Variants in SLC8A3 observed in about 807,000 individuals in gnomAD.
The protein encoded by SLC8A3 is solute carrier family 8 member A3.
Under a neutral mutation model 65.4 loss-of-function variants are expected in SLC8A3, and 37 were observed. That is an observed-to-expected ratio of 0.57 (90% confidence interval 0.44 to 0.74). SLC8A3 has a LOEUF of 0.74. SLC8A3 is among the 30% of genes least tolerant of loss of function. The pLI is 0.00. For missense variants in SLC8A3, 1,112 were observed against 1,172.1 expected (o/e 0.95, Z 0.75); for synonymous variants, 461 against 444.5 (o/e 1.04, Z -0.47).
At position 70,167,402 on chromosome 14, in the gene SLC8A3, A is replaced by G; in HGVS notation, c.1021T>C (p.Tyr341His). Residue 341 changes from tyrosine to histidine, a missense_variant, in exon 2 of 7, where the codon TAC (tyrosine) becomes CAC (histidine). Transcript: ENST00000356921. ...DLDQLVEMANYYALSHQQKSR... is the reference protein window; with the variant it reads ...DLDQLVEMANHYALSHQQKSR... ...TTCTGTTGGTGGGAAAGAGCATAGT[A>G]ATTGGCCATCTCCACCAGCTGATCT... 4.3e-6 allele frequency: 7 copies of G among 1,614,044 alleles called. No individual in the cohort carries two copies. Among genetic ancestry groups the G allele is most frequent in the Non-Finnish European group, 5.9e-6 (7 of 1,180,008 alleles).
chr14:70,174,673 T>TTG (rs1729304205), intron 1 of SLC8A3, among the ~76,000 whole-genome samples: 1 of 125,896 alleles, frequency 7.9e-6, no homozygotes, highest in Admixed American at 7.8e-5. Flanking sequence ...TTTTTTTTTT[T>TTG]TTTTTTTTTT....
At chr14:70,169,208 C>T (rs952884797) in intron 1 of SLC8A3, among the ~76,000 whole-genome samples, 4 of 152,194 alleles carry the variant, frequency 2.6e-5, no homozygotes, top group Admixed American at 1.3e-4. Flanking sequence ...TGCAAGACTT[C>T]TGGAGGCAAG....
chr14:70,126,125 C>T (rs1894427611), intron 2 of SLC8A3, among the ~76,000 whole-genome samples: 1 of 152,138 alleles, frequency 6.6e-6, no homozygotes, highest in South Asian at 2.1e-4. Flanking sequence ...ATCAGATGCC[C>T]CAGAATTAGA....
intron 3 of SLC8A3, among the ~76,000 whole-genome samples, chr14:70,057,886 CAG>C (rs113155498): frequency 1.8e-4 from 27 of 150,268 alleles, no homozygotes; most frequent in East Asian, 1.9e-4. Context: ...CCCCATTCTT[CAG>C]AGAGAGAGAG....
intron 1 of SLC8A3, 55 bp from the exon 2 acceptor site, chr14:70,168,539 G>A (rs752343649): frequency 6.8e-6 from 5 of 739,824 alleles, no homozygotes; most frequent in Admixed American, 2.8e-5. Context: ...GACAGCAAAC[G>A]GCAGGTTCCC....
chr14:70,080,102 C>A, intron 2 of SLC8A3: 1 of 985,588 alleles, frequency 1.0e-6, no homozygotes, highest in Non-Finnish European at 1.2e-6. Flanking sequence ...CTTTCCTTGA[C>A]CCCTTCCTTT....
intron 2 of SLC8A3, among the ~76,000 whole-genome samples, chr14:70,065,500 G>A (rs967850802): frequency 6.6e-6 from 1 of 152,158 alleles, no homozygotes; most frequent in Non-Finnish European, 1.5e-5. Flanking sequence ...TCCAGGTAAT[G>A]GAGACAGATG....
At chr14:70,095,388 C>T (rs997905778) in intron 2 of SLC8A3, among the ~76,000 whole-genome samples, 1 of 152,250 alleles carries the variant, frequency 6.6e-6, no homozygotes, top group African/African-American at 2.4e-5. Flanking sequence ...AGCATTGACA[C>T]AAAGGCCAGA....
chr14:70,129,421 A>C (rs1301730157), intron 2 of SLC8A3, among the ~76,000 whole-genome samples: 1 of 152,156 alleles, frequency 6.6e-6, no homozygotes, highest in African/African-American at 2.4e-5. Flanking sequence ...AGTTTTATAT[A>C]TATTATCACA....
chr14:70,121,563 G>T (rs1305647949), intron 2 of SLC8A3, among the ~76,000 whole-genome samples: 5 of 152,082 alleles, frequency 3.3e-5, no homozygotes, highest in African/African-American at 1.2e-4. Context: ...TTTCAATTAG[G>T]CATAAAAAAA....
intron 2 of SLC8A3, among the ~76,000 whole-genome samples, chr14:70,069,455 G>A (rs1232438033): frequency 6.6e-6 from 1 of 152,212 alleles, no homozygotes; most frequent in Non-Finnish European, 1.5e-5. Flanking sequence ...GCTGCTCCGG[G>A]TCAGCTAACA....
chr14:70,134,535 A>T (rs2140244617), intron 2 of SLC8A3, among the ~76,000 whole-genome samples: 1 of 152,202 alleles, frequency 6.6e-6, no homozygotes, highest in East Asian at 1.9e-4. Flanking sequence ...CCTTTTCCTC[A>T]TCCCATGTCC....
chr14:70,147,379 G>A (rs1048258565), intron 2 of SLC8A3, among the ~76,000 whole-genome samples: 1 of 152,140 alleles, frequency 6.6e-6, no homozygotes, highest in Non-Finnish European at 1.5e-5. Context: ...AAATAGCATG[G>A]AAGACAGATT....
At chr14:70,069,673 C>G (rs1326302858) in intron 2 of SLC8A3, among the ~76,000 whole-genome samples, 1 of 152,188 alleles carries the variant, frequency 6.6e-6, no homozygotes, top group African/African-American at 2.4e-5. Context: ...CCACCGCCAC[C>G]TGTCACCAAC....
At chr14:70,183,515 G>A (rs11622923) in intron 1 of SLC8A3, among the ~76,000 whole-genome samples, 99,962 of 151,968 alleles carry the variant, frequency 0.66, 33,508 homozygotes, top group South Asian at 0.72. Context: ...CTGCAGTTCA[G>A]TTGGCCAGGA....
At chr14:70,048,683 T>C in intron 6 of SLC8A3, 84 bp downstream of exon 6, 1 of 1,168,684 alleles carries the variant, frequency 8.6e-7, no homozygotes, top group South Asian at 1.3e-5. Flanking sequence ...TCTGAGATGG[T>C]GTGGAAGATA....
intron 2 of SLC8A3, among the ~76,000 whole-genome samples, chr14:70,131,907 G>C (rs921862570): frequency 7.9e-5 from 12 of 152,146 alleles, no homozygotes; most frequent in Non-Finnish European, 1.6e-4. Flanking sequence ...GTGGAGGTGG[G>C]TCAAGGTCTG....
chr14:70,183,259 G>T (rs1184440550), intron 1 of SLC8A3, among the ~76,000 whole-genome samples: 7 of 152,150 alleles, frequency 4.6e-5, no homozygotes, highest in Non-Finnish European at 1.0e-4. Flanking sequence ...AAACAGAGCT[G>T]TTTTCTTCTT....
chr14:70,061,691 C>CCTT (rs1259312203), intron 2 of SLC8A3, among the ~76,000 whole-genome samples: 2 of 152,080 alleles, frequency 1.3e-5, no homozygotes. Context: ...ACATAGGAAT[C>CCTT]CTTTACTATT....
Sources: gnomAD v4.1 joint callset for allele counts (sites outside exome capture counted in the v4.1 genomes callset) on GRCh38, gnomAD v4.1.1 for gene constraint, MANE v1.5 for transcripts, NCBI Gene and HGNC (gene_info 2026-07-23, HGNC 2026-07-21) for gene names.